The following PGM3 variants were observed in gnomAD, a reference collection of about 807,000 sequenced individuals.
PGM3 encodes the protein phosphoacetylglucosamine mutase.
Under a neutral mutation model 66.2 loss-of-function variants are expected in PGM3, and 40 were observed. That is an observed-to-expected ratio of 0.60 (90% CI 0.47 to 0.79). PGM3 has a LOEUF of 0.79. Among genes scored for constraint, PGM3 ranks in the 30% least tolerant of loss-of-function variants. The probability of loss-of-function intolerance (pLI) is 0.00; values close to 1 mark genes in which losing one functional copy is unlikely to be tolerated. For synonymous variants in PGM3, 191 were observed against 224.2 expected (o/e 0.85, Z 1.32); for missense variants, 537 against 643.4 (o/e 0.83, Z 1.79).
chr6:83,193,619 C>T (rs915059352), upstream of PGM3, among the ~76,000 whole-genome samples: 1 of 152,132 alleles, frequency 6.6e-6, no homozygotes, highest in African/African-American at 2.4e-5. Flanking sequence ...GGTGGGGAAT[C>T]AGCCCCGTCG....
downstream of PGM3, among the ~76,000 whole-genome samples, chr6:83,162,143 G>A (rs1341296739): frequency 1.3e-5 from 2 of 152,070 alleles, no homozygotes; most frequent in Non-Finnish European, 2.9e-5. Context: ...CTCTCTGGAC[G>A]GACTTACGAA....
Position 83,165,832 on chromosome 6 carries a change from C to T in PGM3, c.*3402G>A. Reference sequence around the variant, plus strand: ...GGCCCTTTCTGGTGGCCAATGCCGGCTGCAGGCATTGCAGTTTTTGGTGCA... The same window carrying T: ...GGCCCTTTCTGGTGGCCAATGCCGGTTGCAGGCATTGCAGTTTTTGGTGCA... On this transcript the variant is annotated 3_prime_UTR_variant, in exon 13 of 13. Transcript: ENST00000513973. The T allele has an allele frequency of 3.1e-6, 1 of 326,116 alleles. No homozygotes were observed. The highest frequency in any genetic ancestry group is 2.8e-5 in the South Asian group (1 of 35,778). The allele number at this position is 326,116 out of a possible 1,614,324, so 20.2% of individuals were successfully genotyped here. A position where few individuals can be genotyped will look rare whatever the true frequency, so the allele number is the denominator to read the frequency against.
chr6:83,156,868 A>G (rs972199049), downstream of PGM3, among the ~76,000 whole-genome samples: 4 of 151,212 alleles, frequency 2.6e-5, no homozygotes, highest in Non-Finnish European at 4.4e-5. Flanking sequence ...AGTGCTACTC[A>G]AAGTATGGTC....
Position 83,167,637 on chromosome 6 carries a change from T to C in PGM3, c.*1597A>G. 1 of 1,254,904 alleles carries C rather than the reference T, an allele frequency of 8.0e-7. No individual in the cohort carries two copies. Among genetic ancestry groups the C allele is most frequent in the Non-Finnish European group, 1.0e-6 (1 of 1,001,252 alleles). The allele number at this position is 1,254,904 out of a possible 1,614,324, so 77.7% of individuals were successfully genotyped here. A position where few individuals can be genotyped will look rare whatever the true frequency, so the allele number is the denominator to read the frequency against. On this transcript the variant is annotated 3_prime_UTR_variant, in exon 13 of 13. Transcript: ENST00000513973. ...GTTAACTAAGCTTATCTGCGCATTC[T>C]AGTTGGGAACTATTACTACAATGTT...
chr6:83,191,654 T>A (rs1789068071), intron 1 of PGM3, among the ~76,000 whole-genome samples: 1 of 152,176 alleles, frequency 6.6e-6, no homozygotes, highest in African/African-American at 2.4e-5. Context: ...ACTAGCAATA[T>A]CTTCTTCTGA....
chr6:83,157,365 CAG>C, downstream of PGM3: 1 of 1,584,332 alleles, frequency 6.3e-7, no homozygotes, highest in Non-Finnish European at 8.7e-7. Flanking sequence ...AATGATAAAA[CAG>C]TGATTAGTTT....
intron 10 of PGM3, among the ~76,000 whole-genome samples, chr6:83,172,848 G>T (rs1787377939): frequency 6.6e-6 from 1 of 152,152 alleles, no homozygotes; most frequent in African/African-American, 2.4e-5. Context: ...AAAAATGATT[G>T]ATTGCTTATT....
Position 83,166,315 on chromosome 6 carries a change from A to G in PGM3, c.*2919T>C. 1.5e-6 allele frequency: 1 copy of G among 651,822 alleles called. No individual in the cohort carries two copies. The highest frequency in any genetic ancestry group is 1.8e-5 in the South Asian group (1 of 56,294). The allele number at this position is 651,822 out of a possible 1,614,324, so 40.4% of individuals were successfully genotyped here. ...ATGATGTTCTCAATTGGTCATTATC[A>G]ATTTCCGATGACTGGCCACTGCACT... On this transcript the variant is annotated 3_prime_UTR_variant, in exon 13 of 13. Transcript: ENST00000513973.
chr6:83,156,345 A>G (rs1782783965), downstream of PGM3, among the ~76,000 whole-genome samples: 1 of 152,164 alleles, frequency 6.6e-6, no homozygotes, highest in South Asian at 2.1e-4. Context: ...TTTCTTAGGA[A>G]TTCATGTTTG....
At position 83,166,274 on chromosome 6, in the gene PGM3, A is replaced by G. The variant is rs1785541078; in HGVS notation, c.*2960T>C. The G allele has an allele frequency of 5.2e-6, 3 of 573,654 alleles. No homozygotes were observed. The South Asian group carries it at 7.7e-5, about 15-fold the overall frequency. The allele number at this position is 573,654 out of a possible 1,614,324, so 35.5% of individuals were successfully genotyped here. A position where few individuals can be genotyped will look rare whatever the true frequency, so the allele number is the denominator to read the frequency against. On this transcript the variant is annotated 3_prime_UTR_variant, in exon 13 of 13. Coordinates refer to ENST00000513973, the MANE Select transcript of PGM3 (RefSeq NM_015599.3). The stretch of plus-strand genomic sequence containing the variant: ...TCTTGGGCAGCTCTCTTATAGTTGT[A>G]AGAGGATCAGCTTCGATGATGTTCT...
At chr6:83,183,422 G>A (rs1329720247) in intron 4 of PGM3, among the ~76,000 whole-genome samples, 1 of 152,204 alleles carries the variant, frequency 6.6e-6, no homozygotes, top group Non-Finnish European at 1.5e-5. Context: ...TTGTTCTGAA[G>A]TTATTCCTCT....
At chr6:83,159,889 C>CG, downstream of PGM3, 1 of 1,614,100 alleles carries the variant, frequency 6.2e-7, no homozygotes, top group Non-Finnish European at 8.5e-7. Flanking sequence ...GGTTAAACCT[C>CG]TATCTCTCTG....
chr6:83,174,000 G>A (rs1164581689), intron 10 of PGM3, among the ~76,000 whole-genome samples: 1 of 151,870 alleles, frequency 6.6e-6, no homozygotes, highest in Non-Finnish European at 1.5e-5. Flanking sequence ...CCTCCCAAAG[G>A]GCTGGGATTA....
At chr6:83,183,040 T>C in intron 4 of PGM3, 62 bp from the exon 5 acceptor site, 1 of 1,471,528 alleles carries the variant, frequency 6.8e-7, no homozygotes, top group South Asian at 1.2e-5. Flanking sequence ...AAAGTTTAAA[T>C]GCATTCATGT....
At chr6:83,193,462 C>G (rs1054010969), upstream of PGM3, 1 of 152,212 alleles carries the variant, frequency 6.6e-6, no homozygotes, top group Non-Finnish European at 1.5e-5. Flanking sequence ...CCCGCGGTGG[C>G]CCGGGGGTTG....
At chr6:83,156,241 C>T, downstream of PGM3, 1 of 691,870 alleles carries the variant, frequency 1.4e-6, no homozygotes, top group East Asian at 2.8e-5. Flanking sequence ...TCTACTGAAA[C>T]AATGAAAATT....
At chr6:83,169,868 G>A (rs1003234116) in intron 12 of PGM3, 6 of 438,146 alleles carry the variant, frequency 1.4e-5, no homozygotes, top group South Asian at 4.9e-5. Context: ...CACAGAGTAA[G>A]GCTGTCATTT....
the PGM3 span, chr6:83,151,782 G>A: frequency 2.8e-6 from 4 of 1,438,866 alleles, no homozygotes; most frequent in Non-Finnish European, 3.8e-6. Flanking sequence ...GAATCAACAA[G>A]TCTATTGTAA....
At position 83,167,922 on chromosome 6, in the gene PGM3, C is replaced by T. The variant is rs752996394; in HGVS notation, c.*1312G>A. The T allele has an allele frequency of 2.5e-6, 4 of 1,613,924 alleles. No individual in the cohort carries two copies. Among genetic ancestry groups the T allele is most frequent in the Non-Finnish European group, 3.4e-6 (4 of 1,179,920 alleles). On this transcript the variant is annotated 3_prime_UTR_variant, in exon 13 of 13. Transcript: ENST00000513973. Reference sequence around the variant, plus strand: ...GGGTTGGGAGCCAGGGCACTTGCTGCTCACCATCTGCACCGTGCGCAGTAT... The same window carrying T: ...GGGTTGGGAGCCAGGGCACTTGCTGTTCACCATCTGCACCGTGCGCAGTAT...
Sources: gnomAD v4.1 joint callset for allele counts (sites outside exome capture counted in the v4.1 genomes callset) on GRCh38, gnomAD v4.1.1 for gene constraint, MANE v1.5 for transcripts, NCBI Gene and HGNC (gene_info 2026-07-23, HGNC 2026-07-21) for gene names.